The following SOS2 variants were observed in gnomAD, a reference collection of about 807,000 sequenced individuals.
The protein encoded by SOS2 is SOS Ras/Rho guanine nucleotide exchange factor 2.
SOS2 carries 65 observed loss-of-function variants against 148.2 expected under a neutral mutation model. That is an observed-to-expected ratio of 0.44 (90% CI 0.36 to 0.54). The LOEUF is 0.54. SOS2 is among the 20% of genes least tolerant of loss of function. The pLI is 0.00. For synonymous variants in SOS2, 539 were observed against 537.1 expected, an observed-to-expected ratio of 1.00 and a Z score of -0.05; for missense variants, 1,341 against 1,590.2, an observed-to-expected ratio of 0.84 and a Z score of 2.67.
At chr14:50,217,917 T>C (rs73291657) in intron 1 of SOS2, among the ~76,000 whole-genome samples, 2 of 151,622 alleles carry the variant, frequency 1.3e-5, no homozygotes, top group East Asian at 3.9e-4. Context: ...ATCGTGCCAC[T>C]GCACTCCAGC....
intron 7 of SOS2, among the ~76,000 whole-genome samples, chr14:50,177,005 G>A (rs915457565): frequency 1.3e-5 from 2 of 152,118 alleles, no homozygotes; most frequent in African/African-American, 4.8e-5. Flanking sequence ...GCGAGATTCC[G>A]CCGCAAACAA....
intron 8 of SOS2, among the ~76,000 whole-genome samples, chr14:50,173,228 TAGAC>T (rs2139675115): frequency 6.6e-6 from 1 of 152,272 alleles, no homozygotes; most frequent in South Asian, 2.1e-4. Flanking sequence ...TTGGTTTAGA[TAGAC>T]AGTTACGACT....
In SOS2 at chr14:50,184,237, G is replaced by C. The variant is rs575905667; in HGVS notation, c.715-1631C>G. ...CTGAACACAAACACATCATATGACT[G>C]ACCATCCCGGTTATGGCCAACTATT... On this transcript the variant is annotated intron_variant, in intron 5 of 22. Transcript: ENST00000216373. Among the ~76,000 whole-genome samples the C allele has an allele frequency of 1.4e-4, 21 of 152,200 alleles. No individual in the cohort carries two copies. The South Asian group carries it at 4.4e-3, about 32-fold the overall frequency.
intron 5 of SOS2, among the ~76,000 whole-genome samples, chr14:50,186,174 T>C (rs1400606325): frequency 6.6e-6 from 1 of 152,164 alleles, no homozygotes; most frequent in Non-Finnish European, 1.5e-5. Context: ...CTCAAAAGTT[T>C]ATATTTTACT....
intron 14 of SOS2, among the ~76,000 whole-genome samples, chr14:50,148,198 G>C (rs1004147537): frequency 6.6e-6 from 1 of 151,964 alleles, no homozygotes; most frequent in African/African-American, 2.4e-5. Flanking sequence ...GATCACTGGA[G>C]GTAAGGAGTT....
chr14:50,152,662 T>G (rs561684553), intron 13 of SOS2, among the ~76,000 whole-genome samples: 1 of 152,216 alleles, frequency 6.6e-6, no homozygotes, highest in East Asian at 1.9e-4. Flanking sequence ...TTTTTAAAAA[T>G]GAAAAATGCT....
In SOS2 at chr14:50,127,370, G is replaced by A. The variant is rs184072555; in HGVS notation, c.3379+2591C>T. Among the ~76,000 whole-genome samples the A allele has an allele frequency of 4.4e-4, 67 of 152,260 alleles. 1 individual carries two copies. In the East Asian group the frequency reaches 0.011, roughly 25 times the overall value. On this transcript the variant is annotated intron_variant, in intron 21 of 22. Transcript: ENST00000216373. ...TTGGTCAGTCTGGTCTCAAACTCCT[G>A]ACCTCAGGTGATCTGTCTGCCTCGG...
At chr14:50,185,860 T>A (rs771602125) in intron 5 of SOS2, among the ~76,000 whole-genome samples, 1 of 152,120 alleles carries the variant, frequency 6.6e-6, no homozygotes, top group African/African-American at 2.4e-5. Flanking sequence ...AATAACCTAA[T>A]ATCCTTATTA....
intron 8 of SOS2, among the ~76,000 whole-genome samples, chr14:50,172,366 C>T (rs1471873942): frequency 6.8e-6 from 1 of 146,638 alleles, no homozygotes; most frequent in Non-Finnish European, 1.5e-5. Flanking sequence ...CATATTTATT[C>T]TAACGGTTAC....
At chr14:50,196,664 G>A (rs893454305) in intron 4 of SOS2, among the ~76,000 whole-genome samples, 4 of 152,036 alleles carry the variant, frequency 2.6e-5, no homozygotes, top group Non-Finnish European at 5.9e-5. Flanking sequence ...GGTAATAAAT[G>A]TTAATCAGCT....
chr14:50,175,099 A>C (rs148373064), intron 7 of SOS2, among the ~76,000 whole-genome samples: 1 of 152,244 alleles, frequency 6.6e-6, no homozygotes, highest in Non-Finnish European at 1.5e-5. Context: ...TTTATTGTTA[A>C]ATTCAAACAA....
chr14:50,224,388 A>C, intron 1 of SOS2, among the ~76,000 whole-genome samples: 1 of 147,592 alleles, frequency 6.8e-6, no homozygotes, highest in East Asian at 2.0e-4. Flanking sequence ...GGCTCTGGGG[A>C]GGTCAGAAGG....
At position 50,161,694 on chromosome 14, in the gene SOS2, T is replaced by C. The variant is rs1885013580; in HGVS notation, c.1069-85A>G. 4 of 1,211,278 alleles carry C rather than the reference T, an allele frequency of 3.3e-6. No individual in the cohort carries two copies. The Admixed American group carries it at 6.3e-5, about 19-fold the overall frequency. 75.0% of individuals were successfully genotyped at this position (1,211,278 alleles called of 1,614,324 possible). A position where few individuals can be genotyped will look rare whatever the true frequency, so the allele number is the denominator to read the frequency against. On this transcript the variant is annotated intron_variant, in intron 8 of 22. Transcript: ENST00000216373. ...TAGTAATAGAAAAAGCAGCAACAAA[T>C]ATTATCAACTCTAAGTTAATTTTAT...
intron 1 of SOS2, among the ~76,000 whole-genome samples, chr14:50,207,021 T>A (rs1886683344): frequency 6.6e-6 from 1 of 152,160 alleles, no homozygotes; most frequent in South Asian, 2.1e-4. Flanking sequence ...ATGATTTCAA[T>A]CTTTTGAAAT....
chr14:50,220,405 C>CGAAAAA (rs779813155), intron 1 of SOS2, among the ~76,000 whole-genome samples: 2 of 30,446 alleles, frequency 6.6e-5, no homozygotes, highest in African/African-American at 2.9e-4. Context: ...GACTCCATCT[C>CGAAAAA]AAAAAAAAAA....
At chr14:50,173,763 G>A (rs1179933932) in intron 8 of SOS2, among the ~76,000 whole-genome samples, 1 of 152,144 alleles carries the variant, frequency 6.6e-6, no homozygotes, top group Non-Finnish European at 1.5e-5. Flanking sequence ...ACTTCATTGT[G>A]TAAGTCTCCA....
chr14:50,141,885 TTAGAC>T (rs1210930788), intron 16 of SOS2, among the ~76,000 whole-genome samples: 1 of 152,110 alleles, frequency 6.6e-6, no homozygotes, highest in Non-Finnish European at 1.5e-5. Context: ...TTATGATAGT[TTAGAC>T]TAGTGGCACT....
chr14:50,125,736 G>T (rs539122066), intron 21 of SOS2, among the ~76,000 whole-genome samples: 1 of 152,168 alleles, frequency 6.6e-6, no homozygotes, highest in African/African-American at 2.4e-5. Flanking sequence ...GTTAAGTCTG[G>T]ATAAGGGAGA....
chr14:50,225,872 A>C (rs1444516816), intron 1 of SOS2, among the ~76,000 whole-genome samples: 1 of 152,210 alleles, frequency 6.6e-6, no homozygotes, highest in Non-Finnish European at 1.5e-5. Flanking sequence ...GTGTACCTAC[A>C]GTCTACCATA....
Sources: allele counts gnomAD v4.1 joint callset (sites outside exome capture counted in the v4.1 genomes callset), GRCh38; gene constraint gnomAD v4.1.1; transcripts MANE v1.5; gene names NCBI Gene and HGNC (gene_info 2026-07-23, HGNC 2026-07-21).